The following SHANK2 variants were observed in gnomAD, a reference collection of about 807,000 sequenced individuals.
SHANK2 encodes the protein SH3 and multiple ankyrin repeat domains protein 2.
Under a neutral mutation model 133.7 loss-of-function variants are expected in SHANK2, and 43 were observed. The ratio of observed to expected loss-of-function variants is 0.32; its 90% CI spans 0.25 to 0.41. SHANK2 has a LOEUF of 0.41. Among genes scored for constraint, SHANK2 ranks in the 10% least tolerant of loss-of-function variants. The pLI is 1.00. For missense variants in SHANK2, 1,994 were observed against 2,235.8 expected (o/e 0.89, Z 2.18); for synonymous variants, 1,017 against 952.8 (o/e 1.07, Z -1.24).
intron 8 of SHANK2, among the ~76,000 whole-genome samples, chr11:71,081,086 C>A (rs1017186662): frequency 6.6e-6 from 1 of 152,152 alleles, no homozygotes; most frequent in African/African-American, 2.4e-5. Flanking sequence ...TTAGGGGGCC[C>A]CTAATCCCAT....
intron 17 of SHANK2, 102 bp downstream of exon 17, chr11:70,659,726 C>A: frequency 2.1e-6 from 3 of 1,449,670 alleles, no homozygotes; most frequent in South Asian, 2.4e-5. Context: ...TCCACAAGCA[C>A]CCCCAGACTG....
intron 17 of SHANK2, among the ~76,000 whole-genome samples, chr11:70,595,949 C>T (rs148853146): frequency 6.6e-5 from 10 of 152,300 alleles, no homozygotes; most frequent in East Asian, 5.8e-4. Context: ...GGGTTTCAGT[C>T]GCAAACACAG....
chr11:71,069,141 C>A (rs1409098718), intron 9 of SHANK2, among the ~76,000 whole-genome samples: 2 of 151,592 alleles, frequency 1.3e-5, no homozygotes, highest in Non-Finnish European at 2.9e-5. Context: ...CCATGGCCAC[C>A]ATCACTATCA....
chr11:70,638,824 C>T (rs1190559416), intron 17 of SHANK2, among the ~76,000 whole-genome samples: 1 of 151,940 alleles, frequency 6.6e-6, no homozygotes, highest in African/African-American at 2.4e-5. Context: ...TGGTGAAACC[C>T]CGTCTCTACT....
At chr11:71,203,542 G>A (rs1565512254) in intron 2 of SHANK2, among the ~76,000 whole-genome samples, 1 of 152,116 alleles carries the variant, frequency 6.6e-6, no homozygotes, top group Non-Finnish European at 1.5e-5. Flanking sequence ...AGAGGTTGCA[G>A]TGAGCCAAGA....
intron 10 of SHANK2, among the ~76,000 whole-genome samples, chr11:70,944,585 T>C (rs1950695959): frequency 6.6e-6 from 1 of 152,262 alleles, no homozygotes; most frequent in South Asian, 2.1e-4. Flanking sequence ...AGATCCTCTA[T>C]GCGCAACTTG....
intron 5 of SHANK2, among the ~76,000 whole-genome samples, chr11:71,112,719 GC>G (rs1951908756): frequency 6.6e-6 from 1 of 152,214 alleles, no homozygotes; most frequent in African/African-American, 2.4e-5. Flanking sequence ...CTATGCCTCA[GC>G]CCCCTCTCCA....
intron 2 of SHANK2, among the ~76,000 whole-genome samples, chr11:71,183,992 A>G (rs2135554968): frequency 6.6e-6 from 1 of 152,256 alleles, no homozygotes; most frequent in African/African-American, 2.4e-5. Flanking sequence ...TCCCCATTTC[A>G]CACGGGCCAA....
chr11:70,921,272 G>A (rs1034287389), intron 10 of SHANK2, among the ~76,000 whole-genome samples: 3 of 152,220 alleles, frequency 2.0e-5, no homozygotes, highest in African/African-American at 7.2e-5. Flanking sequence ...AGGTGCCAAG[G>A]TTTGGAAAGA....
intron 6 of SHANK2, among the ~76,000 whole-genome samples, chr11:71,105,363 T>A (rs900310124): frequency 1.3e-5 from 2 of 151,666 alleles, no homozygotes; most frequent in Admixed American, 1.3e-4. Context: ...GAGGCTGAGG[T>A]GGGTGGATCA....
At chr11:70,862,310 C>T (rs148267492) in intron 11 of SHANK2, among the ~76,000 whole-genome samples, 2 of 152,284 alleles carry the variant, frequency 1.3e-5, no homozygotes, top group African/African-American at 4.8e-5. Flanking sequence ...GTTGAAAGAT[C>T]CCTCTTCGAG....
At position 70,552,185 on chromosome 11, in the gene SHANK2, T is replaced by C. The variant is rs150025091; in HGVS notation, c.2062-49254A>G. Among the ~76,000 whole-genome samples, 77 of 152,274 alleles carry C rather than the reference T, an allele frequency of 5.1e-4. No individual in the cohort carries two copies. The East Asian group carries it at 0.01, about 20-fold the overall frequency. ...ATAATATGAGTAGGTGAGGTGACAG[T>C]TGGAAGGGGCAACCGGCATTTCCCA... On this transcript the variant is annotated intron_variant, in intron 17 of 25. Coordinates refer to ENST00000601538, the MANE Select transcript of SHANK2 (RefSeq NM_012309.5).
chr11:70,890,817 A>C (rs1949830691), intron 11 of SHANK2, among the ~76,000 whole-genome samples: 1 of 133,066 alleles, frequency 7.5e-6, no homozygotes, highest in African/African-American at 2.8e-5. Context: ...AAAAAAAATT[A>C]GCTGGGCATG....
At chr11:70,503,863 T>C (rs2059097727) in intron 17 of SHANK2, among the ~76,000 whole-genome samples, 1 of 152,138 alleles carries the variant, frequency 6.6e-6, no homozygotes, top group Non-Finnish European at 1.5e-5. Context: ...TGGGTGGGCG[T>C]CTGGGCTGAC....
chr11:70,799,276 T>A (rs545488149), intron 13 of SHANK2, among the ~76,000 whole-genome samples: 6 of 152,156 alleles, frequency 3.9e-5, no homozygotes, highest in Admixed American at 3.9e-4. Flanking sequence ...CCCATGCCTG[T>A]AATCTCAGCT....
chr11:70,863,924 C>G (rs1555068486), intron 11 of SHANK2: 1 of 444,916 alleles, frequency 2.2e-6, no homozygotes, highest in Admixed American at 2.6e-5. Context: ...AGGCGTCCGC[C>G]CCCACAACGG....
chr11:71,222,080 C>T (rs974026045), intron 2 of SHANK2, among the ~76,000 whole-genome samples: 6 of 152,150 alleles, frequency 3.9e-5, no homozygotes, highest in South Asian at 4.2e-4. Flanking sequence ...GGACCAGCAC[C>T]GCCTGGGCTT....
intron 17 of SHANK2, among the ~76,000 whole-genome samples, chr11:70,593,751 C>T (rs562381205): frequency 2.6e-4 from 39 of 152,320 alleles, no homozygotes; most frequent in African/African-American, 7.7e-4. Flanking sequence ...TCCACCTTCT[C>T]GAGTGACAAG....
intron 3 of SHANK2, among the ~76,000 whole-genome samples, chr11:71,134,172 A>C (rs1952391675): frequency 6.6e-6 from 1 of 151,824 alleles, no homozygotes; most frequent in Non-Finnish European, 1.5e-5. Flanking sequence ...CATCTCCAGC[A>C]GGAGAGGCAA....
Sources: allele counts gnomAD v4.1 joint callset (sites outside exome capture counted in the v4.1 genomes callset), GRCh38; gene constraint gnomAD v4.1.1; transcripts MANE v1.5; gene names NCBI Gene and HGNC (gene_info 2026-07-23, HGNC 2026-07-21).